ZNF777: variants seen among roughly 807,000 people sequenced by gnomAD.
ZNF777 encodes the protein zinc finger protein 777.
In ZNF777, 7 loss-of-function variants were observed where a neutral mutation model predicts 72.1. The observed-to-expected ratio is 0.10, with a 90% CI of 0.06 to 0.18. The LOEUF is 0.18. ZNF777 is among the 10% of genes least tolerant of loss of function. The pLI, the probability that ZNF777 is intolerant of heterozygous loss-of-function variation, is 1.00. For missense variants in ZNF777, 828 were observed against 1,128.6 expected (o/e 0.73, Z 3.82); for synonymous variants, 545 against 483.5 (o/e 1.13, Z -1.67).
At chr7:149,450,937 G>A in intron 4 of ZNF777, 62 bp downstream of exon 4, 2 of 1,457,526 alleles carry the variant, frequency 1.4e-6, no homozygotes, top group Non-Finnish European at 1.9e-6. Context: ...GCCTCATGCT[G>A]GCGCTTCCTG....
rs368465139 is a variant in ZNF777 at position 149,455,489 on chromosome 7, G to A, written c.534C>T (p.Leu178=). The change falls in exon 2 of 6, where the codon CTC becomes CTT. Residue 178 remains leucine (L), a synonymous_variant. Coordinates refer to ENST00000247930, the MANE Select transcript of ZNF777 (RefSeq NM_015694.3). This position sits in a 1 kb window ranked among gnomAD's most constrained non-coding sequence, Gnocchi z 4.2. ...ISSAVQKEQP[L]PTAEITRLAV... ...CCAAGCGGGTGATCTCTGCCGTGGGGAGCGGCTGTTCCTTCTGGACTGCAG... is the reference window on the plus strand; with the variant it reads ...CCAAGCGGGTGATCTCTGCCGTGGGAAGCGGCTGTTCCTTCTGGACTGCAG... 2.5e-5 allele frequency: 40 copies of A among 1,614,004 alleles called. No individual in the cohort carries two copies. The African/African-American group carries it at 4.7e-4, about 19-fold the overall frequency.
chr7:149,435,128 T>C (rs1799389218), intron 5 of ZNF777, among the ~76,000 whole-genome samples: 1 of 152,164 alleles, frequency 6.6e-6, no homozygotes, highest in African/African-American at 2.4e-5. Flanking sequence ...CAAAAACACT[T>C]CTGAAATACC....
intron 1 of ZNF777, among the ~76,000 whole-genome samples, chr7:149,458,303 G>A (rs1251110044): frequency 2.6e-5 from 4 of 152,172 alleles, no homozygotes; most frequent in African/African-American, 9.7e-5. Context: ...TCCCTGTGAA[G>A]GAAGCGCTGG....
chr7:149,440,685 T>G (rs1373860255), intron 4 of ZNF777, among the ~76,000 whole-genome samples: 1 of 150,608 alleles, frequency 6.6e-6, no homozygotes, highest in African/African-American at 2.4e-5. Flanking sequence ...TTTTTTTTTT[T>G]TTTTTTTAAA....
chr7:149,445,178 T>G (rs1206213138), intron 4 of ZNF777, among the ~76,000 whole-genome samples: 8 of 152,204 alleles, frequency 5.3e-5, no homozygotes, highest in African/African-American at 1.9e-4. Flanking sequence ...TTCCAAGAGT[T>G]CCTTTCTATT....
rs2116572696 is a variant in ZNF777 at position 149,436,649 on chromosome 7, A to G, written c.1265T>C (p.Leu422Pro). 6.2e-7 allele frequency: 1 copy of G among 1,614,016 alleles called. No homozygotes were observed. Among genetic ancestry groups the G allele is most frequent in the Non-Finnish European group, 8.5e-7 (1 of 1,180,030 alleles). ...GCTGGAGCCTTCCGTGGACTCCTCC[A>G]GCGTGTTCTCTGGCTCCTGCATGTC... ...DLDMQEPENT[L>P]EESTEGSSEF... The change falls in exon 5 of 6, where the codon CTG becomes CCG. Residue 422 changes from leucine (L) to proline (P), a missense_variant. By Grantham distance (98) the Leu-to-Pro change is moderately conservative. This residue lies in a region of ZNF777 where 219 missense variants were observed against 223.0 expected (regional missense o/e 0.98). Coordinates refer to ENST00000247930, the MANE Select transcript of ZNF777 (RefSeq NM_015694.3). The surrounding 1 kb of genome is among the most constrained non-coding windows in gnomAD (Gnocchi z 5.0).
At chr7:149,433,582 C>A (rs1457151617) in intron 5 of ZNF777, among the ~76,000 whole-genome samples, 1 of 152,200 alleles carries the variant, frequency 6.6e-6, no homozygotes, top group Non-Finnish European at 1.5e-5. Flanking sequence ...CCTCTCCTCT[C>A]CATGTCTGCC....
chr7:149,441,379 A>G (rs1443846022), intron 4 of ZNF777, among the ~76,000 whole-genome samples: 1 of 152,244 alleles, frequency 6.6e-6, no homozygotes, highest in Non-Finnish European at 1.5e-5. Flanking sequence ...AAAAAAATTT[A>G]TGTATAAATA....
intron 5 of ZNF777, among the ~76,000 whole-genome samples, chr7:149,433,698 T>C (rs572565176): frequency 6.6e-6 from 1 of 152,286 alleles, no homozygotes; most frequent in South Asian, 2.1e-4. Flanking sequence ...CTCTCATGGG[T>C]GGAAGATGCA....
chr7:149,444,044 A>T (rs1799567287), intron 4 of ZNF777, among the ~76,000 whole-genome samples: 1 of 152,194 alleles, frequency 6.6e-6, no homozygotes, highest in African/African-American at 2.4e-5. Context: ...TTGAGTTTTC[A>T]ATTTTAAGCA....
chr7:149,458,338 C>A (rs1182142442), intron 1 of ZNF777, among the ~76,000 whole-genome samples: 1 of 152,188 alleles, frequency 6.6e-6, no homozygotes, highest in Non-Finnish European at 1.5e-5. Flanking sequence ...AGGCGCCTGG[C>A]TCTCAGGGAA....
intron 1 of ZNF777, among the ~76,000 whole-genome samples, chr7:149,459,111 C>A (rs976852657): frequency 2.0e-5 from 3 of 152,122 alleles, no homozygotes; most frequent in Admixed American, 1.3e-4. Flanking sequence ...TAAACATCTT[C>A]GTTTGATTTT....
rs376410878 is a variant in ZNF777 at position 149,432,864 on chromosome 7, G to C, written c.1408C>G (p.Gln470Glu). The C allele has an allele frequency of 5.1e-6, 8 of 1,568,266 alleles. No individual in the cohort carries two copies. In the African/African-American group the frequency reaches 9.5e-5, roughly 19 times the overall value. The change falls in exon 6 of 6, where the codon CAG becomes GAG. Residue 470 changes from glutamine (Q) to glutamate (E), a missense_variant. Transcript: ENST00000247930. ...AGCTGCCCAAGGGATTGCAAGTGCT[G>C]CGGCAGCTCATCCTCCTCCTCCTCT... is the stretch of plus-strand genomic sequence containing the variant. ...EEEEEEDELP[Q>E]HLQSLGQLSG...
chr7:149,438,264 C>G (rs943994363), intron 4 of ZNF777, among the ~76,000 whole-genome samples: 1 of 152,204 alleles, frequency 6.6e-6, no homozygotes, highest in African/African-American at 2.4e-5. Context: ...TCCCAAAGTG[C>G]TGGAATTACA....
Position 149,431,851 on chromosome 7 carries a change from G to A in ZNF777, c.2421C>T (p.Pro807=), listed in dbSNP as rs754648643. The A allele has an allele frequency of 5.6e-6, 9 of 1,604,896 alleles. No homozygotes were observed. In the East Asian group the frequency reaches 1.1e-4, roughly 20 times the overall value. Residue 807 remains proline, a synonymous_variant, in exon 6 of 6, where the codon CCC becomes CCT. Coordinates refer to ENST00000247930, the MANE Select transcript of ZNF777 (RefSeq NM_015694.3). ...QRAHTGERPY[P]CTHCAKCFRY... is the part of the protein sequence containing the mutation. ...GGAAGCACTTGGCGCAGTGCGTGCAGGGGTAGGGCCGCTCGCCCGTGTGCG... is the reference window on the plus strand; with the variant it reads ...GGAAGCACTTGGCGCAGTGCGTGCAAGGGTAGGGCCGCTCGCCCGTGTGCG...
chr7:149,451,213 G>T (rs752353203), intron 3 of ZNF777, 101 bp from the exon 4 acceptor site: 29 of 1,032,432 alleles, frequency 2.8e-5, no homozygotes, highest in Non-Finnish European at 4.2e-5. Context: ...GCAGCTCCTC[G>T]ACTGGAGACC....
At chr7:149,445,436 T>G (rs576659975) in intron 4 of ZNF777, among the ~76,000 whole-genome samples, 128 of 152,182 alleles carry the variant, frequency 8.4e-4, no homozygotes, top group Non-Finnish European at 1.2e-3. Flanking sequence ...GGGAGCTCAG[T>G]GCATTTGGGT....
At chr7:149,441,741 T>C (rs1220936883) in intron 4 of ZNF777, among the ~76,000 whole-genome samples, 1 of 152,250 alleles carries the variant, frequency 6.6e-6, no homozygotes, top group Non-Finnish European at 1.5e-5. Flanking sequence ...CTGAAAGTGA[T>C]ATAATGCTAT....
At chr7:149,450,403 G>T (rs1799691683) in intron 4 of ZNF777, among the ~76,000 whole-genome samples, 2 of 152,172 alleles carry the variant, frequency 1.3e-5, no homozygotes, top group South Asian at 4.1e-4. Flanking sequence ...TTATAGATGA[G>T]GAAACTGAGA....
Sources: gnomAD v4.1 joint callset for allele counts (sites outside exome capture counted in the v4.1 genomes callset) on GRCh38, gnomAD v4.1.1 for gene constraint, gnomAD v4.1.1 regional missense constraint, Gnocchi (gnomAD v3.1) non-coding constraint, MANE v1.5 for transcripts, NCBI Gene and HGNC (gene_info 2026-07-23, HGNC 2026-07-21) for gene names.